The following PGM3 variants were observed in gnomAD, a reference collection of about 807,000 sequenced individuals.
The protein encoded by PGM3 is phosphoglucomutase 3.
Under a neutral mutation model 66.2 loss-of-function variants are expected in PGM3, and 40 were observed. That is an observed-to-expected ratio of 0.60 (90% CI 0.47 to 0.79). PGM3 has a LOEUF of 0.79. PGM3 is among the 30% of genes least tolerant of loss of function. The pLI is 0.00. For missense variants in PGM3, 537 were observed against 643.4 expected (o/e 0.83, Z 1.79); for synonymous variants, 191 against 224.2 (o/e 0.85, Z 1.32).
In PGM3 at chr6:83,181,784, G is replaced by C. The variant is rs1788195802; in HGVS notation, c.739C>G (p.His247Asp). The C allele has an allele frequency of 6.2e-7, 1 of 1,613,716 alleles. No homozygotes were observed. The highest frequency in any genetic ancestry group is 8.5e-7 in the Non-Finnish European group (1 of 1,179,876). ...TTCACAAAGTCAGCTCCACATAAAT[G>C]ATTGAGTTTGCCCTTGGACCCATCA... ...FNDGSKGKLN[H>D]LCGADFVKSH... is the part of the protein sequence containing the mutation. Residue 247 changes from histidine (H) to aspartate (D), a missense_variant, in exon 6 of 13, where the codon CAT becomes GAT. Physicochemically the swap from His to Asp is moderately conservative, Grantham distance 81. Coordinates refer to ENST00000513973, the MANE Select transcript of PGM3 (RefSeq NM_015599.3).
At chr6:83,158,642 T>C (rs774866477), downstream of PGM3, 14 of 1,565,382 alleles carry the variant, frequency 8.9e-6, no homozygotes, top group Admixed American at 1.0e-4. Flanking sequence ...AATTTAAATA[T>C]ATTGTTGTCC....
the PGM3 span, chr6:83,152,104 A>G: frequency 1.3e-5 from 20 of 1,527,836 alleles, no homozygotes; most frequent in East Asian, 2.3e-5. Context: ...GCCTAGCACT[A>G]TAAGTACCAC....
At chr6:83,155,200 G>A in the PGM3 span, among the ~76,000 whole-genome samples, 7 of 151,772 alleles carry the variant, frequency 4.6e-5, no homozygotes, top group South Asian at 8.3e-4. Flanking sequence ...AGTGGCTCAC[G>A]CCTGTAATCC....
chr6:83,169,196 G>A lies in PGM3; in HGVS notation c.*38C>T, dbSNP rs753669048. On this transcript the variant is annotated 3_prime_UTR_variant, in exon 13 of 13. Coordinates refer to ENST00000513973, the MANE Select transcript of PGM3 (RefSeq NM_015599.3). ...ATTATTGACAGTTTTGTAAAGACTTGTAAAAAGTCCAGTTTCTCAGGAATA... is the reference window on the plus strand; with the variant it reads ...ATTATTGACAGTTTTGTAAAGACTTATAAAAAGTCCAGTTTCTCAGGAATA... The A allele has an allele frequency of 1.2e-6, 2 of 1,611,692 alleles. No homozygotes were observed. The highest frequency in any genetic ancestry group is 1.7e-6 in the Non-Finnish European group (2 of 1,178,780).
the PGM3 span, chr6:83,155,813 C>T: frequency 1.0e-6 from 1 of 985,178 alleles, no homozygotes; most frequent in Admixed American, 2.9e-5. Context: ...CCTGTCTGCC[C>T]CAGAGAGGGG....
the PGM3 span, chr6:83,151,818 T>C: frequency 1.3e-6 from 2 of 1,514,694 alleles, no homozygotes; most frequent in South Asian, 1.2e-5. Flanking sequence ...AAATATAAAC[T>C]ACAGAAGTTC....
At chr6:83,162,052 T>C (rs543191198), downstream of PGM3, among the ~76,000 whole-genome samples, 2 of 152,272 alleles carry the variant, frequency 1.3e-5, no homozygotes, top group East Asian at 3.9e-4. Context: ...ATATCCTACA[T>C]GTATAATTAA....
chr6:83,192,971 G>A (rs891629485), intron 1 of PGM3: 1 of 152,206 alleles, frequency 6.6e-6, no homozygotes, highest in African/African-American at 2.4e-5. Context: ...CCAGAGCCCC[G>A]GCAGGAGACC....
intron 10 of PGM3, 150 bp downstream of exon 10, chr6:83,174,224 T>G: frequency 1.7e-6 from 1 of 589,760 alleles, no homozygotes. Flanking sequence ...TCCATTTCAT[T>G]ATAAATCTCA....
At chr6:83,162,950 T>C, downstream of PGM3, 2 of 1,599,464 alleles carry the variant, frequency 1.3e-6, no homozygotes, top group South Asian at 1.1e-5. Flanking sequence ...TGTTTTGTTT[T>C]ACATCACTAC....
chr6:83,159,849 G>A, downstream of PGM3: 1 of 1,614,126 alleles, frequency 6.2e-7, no homozygotes, highest in Non-Finnish European at 8.5e-7. Context: ...GGAGGTAATG[G>A]CTTCTCTACT....
At chr6:83,192,392 C>T (rs1789195618) in intron 1 of PGM3, among the ~76,000 whole-genome samples, 1 of 152,222 alleles carries the variant, frequency 6.6e-6, no homozygotes, top group African/African-American at 2.4e-5. Context: ...CCATATACTA[C>T]ATTTCCTGGG....
intron 10 of PGM3, among the ~76,000 whole-genome samples, chr6:83,173,394 T>C (rs1378025300): frequency 6.6e-6 from 1 of 152,058 alleles, no homozygotes; most frequent in Non-Finnish European, 1.5e-5. Flanking sequence ...AGCCTAACAT[T>C]CCATCACTCA....
chr6:83,171,531 G>A (rs900474824), intron 11 of PGM3, among the ~76,000 whole-genome samples: 5 of 151,820 alleles, frequency 3.3e-5, no homozygotes, highest in African/African-American at 7.3e-5. Flanking sequence ...TCGCTCTGTC[G>A]CCAGGCCAGA....
chr6:83,192,181 G>C (rs965036385), intron 1 of PGM3, among the ~76,000 whole-genome samples: 1 of 147,336 alleles, frequency 6.8e-6, no homozygotes, highest in Non-Finnish European at 1.5e-5. Flanking sequence ...CAGGAGAATC[G>C]CTTGAACCCG....
chr6:83,190,041 T>A (rs1432696061), intron 2 of PGM3, among the ~76,000 whole-genome samples: 1 of 152,190 alleles, frequency 6.6e-6, no homozygotes, highest in East Asian at 1.9e-4. Flanking sequence ...ATGAATAAGT[T>A]CTGGAAGACT....
chr6:83,158,438 T>C, downstream of PGM3: 3 of 751,120 alleles, frequency 4.0e-6, no homozygotes, highest in Non-Finnish European at 6.6e-6. Context: ...AGAAACTAAG[T>C]ATAATTTAAA....
intron 12 of PGM3, among the ~76,000 whole-genome samples, chr6:83,170,032 T>C (rs561264331): frequency 3.3e-5 from 5 of 152,242 alleles, no homozygotes; most frequent in Admixed American, 6.5e-5. Context: ...ACTAAGTATT[T>C]ATTAGTTATT....
chr6:83,184,789 A>T (rs1335846834), intron 4 of PGM3, among the ~76,000 whole-genome samples: 3 of 152,170 alleles, frequency 2.0e-5, no homozygotes, highest in African/African-American at 7.2e-5. Flanking sequence ...CTTAAATGAA[A>T]ATGTGATCAT....
Sources: allele counts gnomAD v4.1 joint callset (sites outside exome capture counted in the v4.1 genomes callset), GRCh38; gene constraint gnomAD v4.1.1; transcripts MANE v1.5; gene names NCBI Gene and HGNC (gene_info 2026-07-23, HGNC 2026-07-21).